The following CCDC178 variants were observed in gnomAD, a reference collection of about 807,000 sequenced individuals.
CCDC178 encodes coiled-coil domain containing 178, also known as coiled-coil domain-containing protein 178.
In CCDC178, 126 loss-of-function variants were observed where a neutral mutation model predicts 117.4. That is an observed-to-expected ratio of 1.07 (90% CI 0.93 to 1.24). The LOEUF is 1.24. CCDC178 is among the 50% of genes most tolerant of loss of function. The probability of loss-of-function intolerance (pLI) is 0.00; values close to 1 mark genes in which losing one functional copy is unlikely to be tolerated. For synonymous variants in CCDC178, 283 were observed against 313.4 expected (o/e 0.90, Z 1.02); for missense variants, 1,030 against 986.9 (o/e 1.04, Z -0.59).
chr18:33,050,906 C>G (rs1360351402), intron 21 of CCDC178, among the ~76,000 whole-genome samples: 1 of 151,926 alleles, frequency 6.6e-6, no homozygotes, highest in African/African-American at 2.4e-5. Context: ...GACTGATCAT[C>G]AATTTGTTTG....
chr18:33,389,488 A>T, intron 5 of CCDC178, 52 bp downstream of exon 5: 1 of 794,340 alleles, frequency 1.3e-6, no homozygotes, highest in South Asian at 3.2e-5. Context: ...CTAATGAGAT[A>T]ATATAAATAT....
At chr18:33,253,180 T>C (rs1198158591) in intron 14 of CCDC178, among the ~76,000 whole-genome samples, 1 of 151,824 alleles carries the variant, frequency 6.6e-6, no homozygotes, top group African/African-American at 2.4e-5. Context: ...ATCATCATCG[T>C]TGTCACAAAA....
chr18:33,428,752 AAG>A (rs2064159562), intron 2 of CCDC178, among the ~76,000 whole-genome samples: 2 of 149,572 alleles, frequency 1.3e-5, no homozygotes, highest in African/African-American at 4.9e-5. Context: ...AAAAAAAAAA[AAG>A]AGAAAAGAAA....
chr18:32,988,110 A>AATCATAATC (rs1434237648), intron 21 of CCDC178, among the ~76,000 whole-genome samples: 10 of 140,774 alleles, frequency 7.1e-5, no homozygotes, highest in African/African-American at 2.8e-4. Context: ...TAATAATAAT[A>AATCATAATC]ATAATAATAA....
chr18:33,062,179 C>T (rs966070754), intron 21 of CCDC178, among the ~76,000 whole-genome samples: 2 of 152,126 alleles, frequency 1.3e-5, no homozygotes, highest in Non-Finnish European at 2.9e-5. Flanking sequence ...ATTTCTTCAT[C>T]TAGCAAAACA....
chr18:33,231,889 T>G (rs2059372743), intron 15 of CCDC178, among the ~76,000 whole-genome samples: 1 of 152,148 alleles, frequency 6.6e-6, no homozygotes, highest in Non-Finnish European at 1.5e-5. Flanking sequence ...TCCATGCTTG[T>G]TCCTTCTTAG....
rs71266914 is a variant in CCDC178 at position 33,126,997 on chromosome 18, A to AAATAT, written c.2239-34088_2239-34087insATATT. Among the ~76,000 whole-genome samples the AAATAT allele has an allele frequency of 9.1e-4, 128 of 141,160 alleles. 1 individual carries two copies. The highest frequency in any genetic ancestry group is 3.3e-3 in the African/African-American group (121 of 36,864). 92.6% of individuals were successfully genotyped at this position (141,160 alleles called of 152,430 possible). A position where few individuals can be genotyped will look rare whatever the true frequency, so the allele number is the denominator to read the frequency against. On this transcript the variant is annotated intron_variant, in intron 20 of 22. Coordinates refer to ENST00000383096, the MANE Select transcript of CCDC178 (RefSeq NM_001105528.4). ...TATCTGCATTTGGTTAAAAAAAAAA[A>AAATAT]ATATATATATATATATATACACACA... is the stretch of plus-strand genomic sequence containing the variant.
chr18:33,356,198 A>G (rs1472944626), intron 7 of CCDC178, 126 bp downstream of exon 7: 4 of 955,012 alleles, frequency 4.2e-6, no homozygotes, highest in Non-Finnish European at 4.5e-6. Context: ...ATATATTGCA[A>G]TATCTATTGT....
chr18:33,026,799 T>C (rs183445468), intron 21 of CCDC178, among the ~76,000 whole-genome samples: 2 of 151,860 alleles, frequency 1.3e-5, no homozygotes, highest in African/African-American at 4.8e-5. Flanking sequence ...AAAAAAGCAA[T>C]CTAGCATTCT....
chr18:33,159,943 A>G (rs959002321), intron 20 of CCDC178, among the ~76,000 whole-genome samples: 6 of 152,112 alleles, frequency 3.9e-5, no homozygotes, highest in African/African-American at 1.4e-4. Context: ...CTTAGTAACA[A>G]TAGCATTCCT....
chr18:33,259,047 T>C (rs148393204), intron 14 of CCDC178, among the ~76,000 whole-genome samples: 123 of 152,184 alleles, frequency 8.1e-4, no homozygotes, highest in Middle Eastern at 3.4e-3. Context: ...AATGATGACA[T>C]AGGCCCTAGG....
intron 2 of CCDC178, among the ~76,000 whole-genome samples, chr18:33,436,386 C>T (rs2064290580): frequency 6.6e-6 from 1 of 152,136 alleles, no homozygotes; most frequent in Admixed American, 6.5e-5. Flanking sequence ...ACCACTCTTT[C>T]TAGGACTTGA....
intron 21 of CCDC178, among the ~76,000 whole-genome samples, chr18:33,009,717 T>A (rs2055823952): frequency 6.6e-6 from 1 of 152,184 alleles, no homozygotes; most frequent in East Asian, 1.9e-4. Context: ...AGAACAAGAA[T>A]GTCTGTTTTA....
chr18:33,342,356 T>G (rs946551596), intron 9 of CCDC178, among the ~76,000 whole-genome samples: 1 of 152,192 alleles, frequency 6.6e-6, no homozygotes, highest in Non-Finnish European at 1.5e-5. Context: ...AAACAAGACA[T>G]GATATATATA....
At chr18:33,129,166 C>A (rs1024717911) in intron 20 of CCDC178, among the ~76,000 whole-genome samples, 2 of 152,052 alleles carry the variant, frequency 1.3e-5, no homozygotes, top group African/African-American at 2.4e-5. Context: ...ATACATGAAA[C>A]TTTTGAGTTA....
rs564869234 is a variant in CCDC178, at chr18:33,242,966, C to T, written c.1593+2279G>A. Among the ~76,000 whole-genome samples the T allele has an allele frequency of 9.2e-5, 14 of 151,744 alleles. No homozygotes were observed. In the South Asian group the frequency reaches 2.9e-3, roughly 32 times the overall value. The stretch of plus-strand genomic sequence containing the variant: ...CTGTATCCCCATGTTTTTTTTGTGG[C>T]ACTATTCACAATAGCCAAGATGTGG... On this transcript the variant is annotated intron_variant, in intron 15 of 22. Transcript: ENST00000383096.
intron 6 of CCDC178, among the ~76,000 whole-genome samples, chr18:33,365,680 C>T (rs1288020685): frequency 6.6e-6 from 1 of 151,916 alleles, no homozygotes; most frequent in African/African-American, 2.4e-5. Context: ...TTTTTAAATG[C>T]TTTCTCTCTG....
intron 11 of CCDC178, among the ~76,000 whole-genome samples, chr18:33,304,629 C>A (rs1163196807): frequency 6.6e-6 from 1 of 152,204 alleles, no homozygotes; most frequent in Non-Finnish European, 1.5e-5. Context: ...CCTTCTCTAA[C>A]TCTGCTTATC....
chr18:33,239,821 G>A (rs2144674499), intron 15 of CCDC178, among the ~76,000 whole-genome samples: 1 of 151,308 alleles, frequency 6.6e-6, no homozygotes, highest in East Asian at 1.9e-4. Flanking sequence ...ACCCAACAAA[G>A]AAATATGGGA....
Sources: allele counts gnomAD v4.1 joint callset (sites outside exome capture counted in the v4.1 genomes callset), GRCh38; gene constraint gnomAD v4.1.1; transcripts MANE v1.5; gene names NCBI Gene and HGNC (gene_info 2026-07-23, HGNC 2026-07-21).